Variants in LAMB4 observed in about 807,000 individuals in gnomAD.
The protein encoded by LAMB4 is laminin subunit beta 4.
In LAMB4, 196 loss-of-function variants were observed where a neutral mutation model predicts 199.2. The ratio of observed to expected loss-of-function variants is 0.98; its 90% CI spans 0.88 to 1.11. LAMB4 has a LOEUF of 1.11. Ranked by LOEUF, LAMB4 falls within the 50% of genes least tolerant of loss-of-function variation. LAMB4 has a pLI of 0.00. For missense variants in LAMB4, 2,080 were observed against 2,171.2 expected, an observed-to-expected ratio of 0.96 and a Z score of 0.83; for synonymous variants, 744 against 770.6, an observed-to-expected ratio of 0.97 and a Z score of 0.57.
At chr7:108,021,116 T>C (rs554200473), downstream of LAMB4, among the ~76,000 whole-genome samples, 124 of 152,366 alleles carry the variant, frequency 8.1e-4, no homozygotes, top group African/African-American at 2.9e-3. Context: ...TGTGTATTTA[T>C]ATTTTTAATT....
In LAMB4 at chr7:108,055,629, T is replaced by TGAG; in HGVS notation, c.3755+2_3755+3insCTC. 1 of 1,609,430 alleles carries TGAG rather than the reference T, an allele frequency of 6.2e-7. No homozygotes were observed. Among genetic ancestry groups the TGAG allele is most frequent in the South Asian group, 1.1e-5 (1 of 89,972 alleles). ...CTGTCTGTTACTTGAGCATAAATCT[T>TGAG]ACCTAACAGAGTCATGATAATCCTT... On this transcript the variant is annotated splice_region_variant and intron_variant, in intron 25 of 33. Coordinates refer to ENST00000388781, the MANE Select transcript of LAMB4 (RefSeq NM_007356.3).
At chr7:108,083,667 G>A (rs2037045524) in intron 14 of LAMB4, among the ~76,000 whole-genome samples, 1 of 152,170 alleles carries the variant, frequency 6.6e-6, no homozygotes, top group Admixed American at 6.5e-5. Context: ...CCAGGAGATG[G>A]GCCAGCGTTC....
chr7:108,092,293 T>C (rs2037437773), intron 13 of LAMB4, 44 bp downstream of exon 13: 3 of 1,487,374 alleles, frequency 2.0e-6, no homozygotes, highest in African/African-American at 2.8e-5. Context: ...AATGTGCTTT[T>C]ATGTTTAAAT....
chr7:108,024,203 G>A (rs1302900216), intron 33 of LAMB4, 25 bp from the exon 34 acceptor site: 1 of 1,420,682 alleles, frequency 7.0e-7, no homozygotes, highest in Non-Finnish European at 9.6e-7. Flanking sequence ...TGAAAGAAAT[G>A]ATATATTTCC....
intron 1 of LAMB4, among the ~76,000 whole-genome samples, chr7:108,128,598 C>A (rs573113171): frequency 6.6e-6 from 1 of 152,124 alleles, no homozygotes; most frequent in South Asian, 2.1e-4. Context: ...AAGCTCCAAA[C>A]TAGATAAGTA....
At chr7:108,013,709 C>T in the LAMB4 span, among the ~76,000 whole-genome samples, 1 of 152,126 alleles carries the variant, frequency 6.6e-6, no homozygotes, top group Non-Finnish European at 1.5e-5. Flanking sequence ...TTAAAACAGA[C>T]ATAACTTTGA....
At chr7:108,068,779 C>T (rs1426071878) in intron 18 of LAMB4, among the ~76,000 whole-genome samples, 2 of 152,088 alleles carry the variant, frequency 1.3e-5, no homozygotes, top group Admixed American at 6.5e-5. Context: ...CTGCAACCTC[C>T]GCCTTCCCAG....
At chr7:108,126,555 T>C (rs112271563) in intron 1 of LAMB4, among the ~76,000 whole-genome samples, 7 of 3,406 alleles carry the variant, frequency 2.1e-3, no homozygotes, top group African/African-American at 0.012. Context: ...AATTTCTTTC[T>C]TTTTTTTTTT....
At chr7:108,053,193 T>C (rs946119849) in intron 25 of LAMB4, among the ~76,000 whole-genome samples, 1 of 152,184 alleles carries the variant, frequency 6.6e-6, no homozygotes, top group Non-Finnish European at 1.5e-5. Context: ...CTCACAAGAA[T>C]CCTATGAAAT....
intron 17 of LAMB4, among the ~76,000 whole-genome samples, chr7:108,071,307 A>T (rs1468846743): frequency 1.3e-5 from 2 of 151,860 alleles, no homozygotes; most frequent in African/African-American, 2.4e-5. Context: ...CCCCTATCCC[A>T]TCCCTAAATG....
chr7:108,106,586 A>G lies in LAMB4; in HGVS notation c.592-14T>C, dbSNP rs2038022442. On this transcript the variant is annotated splice_polypyrimidine_tract_variant and intron_variant, in intron 6 of 33. Transcript: ENST00000388781. ...TTTTAAAACAACCTGTAAAACAAAT[A>G]TAGATACATTTATAGTATATTACCT... 2 of 1,409,062 alleles carry G rather than the reference A, an allele frequency of 1.4e-6. No individual in the cohort carries two copies. Among genetic ancestry groups the G allele is most frequent in the Non-Finnish European group, 2.0e-6 (2 of 1,000,500 alleles). 87.3% of individuals were successfully genotyped at this position (1,409,062 alleles called of 1,614,324 possible).
rs181806857 is a variant in LAMB4 at position 108,111,757 on chromosome 7, T to C, written c.328+54A>G. 3,440 of 1,463,802 alleles carry C rather than the reference T, an allele frequency of 2.4e-3. 8 individuals are homozygous for C. The highest frequency in any genetic ancestry group is 9.6e-3 in the Middle Eastern group (55 of 5,742). The allele number at this position is 1,463,802 out of a possible 1,614,324, so 90.7% of individuals were successfully genotyped here. ...TATTAAAACCATACAAGGAAGAGGATGTCATATTAAAATATTGAAGAAATA... is the reference window on the plus strand; with the variant it reads ...TATTAAAACCATACAAGGAAGAGGACGTCATATTAAAATATTGAAGAAATA... On this transcript the variant is annotated intron_variant, in intron 4 of 33. Transcript: ENST00000388781.
chr7:108,065,840 T>G lies in LAMB4; in HGVS notation c.2758A>C (p.Asn920His). ...TAACAGGAATGGGCAAAATACTGAT[T>G]GCTTGAGGGATCATCTGGACACAGG... ...PCLCPDDPSSNQYFAHSCYQN... is the reference protein window; with the variant it reads ...PCLCPDDPSSHQYFAHSCYQN... Residue 920 changes from asparagine to histidine, a missense_variant, in exon 21 of 34, where the codon AAT becomes CAT. By Grantham distance (68) the Asn-to-His change is moderately conservative. Coordinates refer to ENST00000388781, the MANE Select transcript of LAMB4 (RefSeq NM_007356.3). 3 of 1,614,090 alleles carry G rather than the reference T, an allele frequency of 1.9e-6. No homozygotes were observed. Among genetic ancestry groups the G allele is most frequent in the Non-Finnish European group, 2.5e-6 (3 of 1,179,930 alleles).
intron 9 of LAMB4, 127 bp from the exon 10 acceptor site, chr7:108,103,359 A>C (rs976657415): frequency 2.1e-5 from 15 of 716,878 alleles, no homozygotes; most frequent in Admixed American, 6.0e-5. Context: ...CTTTGTATAG[A>C]TGCACCAAGC....
Position 108,043,545 on chromosome 7 carries a change from G to T in LAMB4, c.4471+207C>A, listed in dbSNP as rs1340393246. ...AATATAATTTGGAACTGGCTATGAT[G>T]TTTTTTTTTTTTTTTTTTTTTTTTT... On this transcript the variant is annotated intron_variant, in intron 29 of 33. Coordinates refer to ENST00000388781, the MANE Select transcript of LAMB4 (RefSeq NM_007356.3). Among the ~76,000 whole-genome samples the T allele has an allele frequency of 1.2e-3, 65 of 55,998 alleles. 3 individuals are homozygous for T. The highest frequency in any genetic ancestry group is 4.0e-3 in the South Asian group (7 of 1,754). The allele number at this position is 55,998 out of a possible 152,430, so 36.7% of individuals were successfully genotyped here.
chr7:108,124,127 C>T lies in LAMB4; in HGVS notation c.-33-930G>A, dbSNP rs114211944. ...CCTCCTGGATTCAAGCTGATTCTCC[C>T]ACCTCAGCCTCCCCAGTAGCAGAGA... On this transcript the variant is annotated intron_variant, in intron 1 of 33. Transcript: ENST00000388781. 1.3e-3 allele frequency among the ~76,000 whole-genome samples: 201 copies of T among 152,262 alleles called. 1 individual carries two copies. Among genetic ancestry groups the T allele is most frequent in the African/African-American group, 4.7e-3 (196 of 41,560 alleles).
intron 29 of LAMB4, 116 bp from the exon 30 acceptor site, chr7:108,037,711 T>C: frequency 1.4e-6 from 1 of 726,018 alleles, no homozygotes; most frequent in Non-Finnish European, 2.4e-6. Context: ...TATGTGCCCC[T>C]AGAATACAGG....
At chr7:108,112,080 A>C in intron 3 of LAMB4, 134 bp from the exon 4 acceptor site, 1 of 600,262 alleles carries the variant, frequency 1.7e-6, no homozygotes, top group Non-Finnish European at 2.7e-6. Context: ...AAATAACAAG[A>C]CATCAAAATG....
intron 4 of LAMB4, among the ~76,000 whole-genome samples, chr7:108,111,308 A>G (rs1035507143): frequency 2.0e-5 from 3 of 152,242 alleles, no homozygotes; most frequent in African/African-American, 7.2e-5. Flanking sequence ...AGAAAGGCAT[A>G]CTTCAGTCCG....
Sources: gnomAD v4.1 joint callset for allele counts (sites outside exome capture counted in the v4.1 genomes callset) on GRCh38, gnomAD v4.1.1 for gene constraint, MANE v1.5 for transcripts, NCBI Gene and HGNC (gene_info 2026-07-23, HGNC 2026-07-21) for gene names.